The following SH3BP2 variants were observed in gnomAD, a reference collection of about 807,000 sequenced individuals.
The protein encoded by SH3BP2 is SH3 domain binding protein 2.
A neutral mutation model predicts 56.2 loss-of-function variants in SH3BP2; 38 were observed. That is an observed-to-expected ratio of 0.68 (90% CI 0.52 to 0.89). SH3BP2 has a LOEUF of 0.89. Among genes scored for constraint, SH3BP2 ranks in the 40% least tolerant of loss-of-function variants. The pLI, the probability that SH3BP2 is intolerant of heterozygous loss-of-function variation, is 0.00. For synonymous variants in SH3BP2, 346 were observed against 316.7 expected, an observed-to-expected ratio of 1.09 and a Z score of -0.98; for missense variants, 748 against 762.6, an observed-to-expected ratio of 0.98 and a Z score of 0.23.
At chr4:2,821,076 GAGTT>G (rs1210484588) in intron 2 of SH3BP2, among the ~76,000 whole-genome samples, 2 of 152,306 alleles carry the variant, frequency 1.3e-5, no homozygotes, top group East Asian at 3.9e-4. Flanking sequence ...AATGTTCAGT[GAGTT>G]AGTTGGTCAC....
intron 1 of SH3BP2, among the ~76,000 whole-genome samples, chr4:2,803,062 C>T (rs1017201356): frequency 2.0e-5 from 3 of 152,222 alleles, no homozygotes; most frequent in Non-Finnish European, 4.4e-5. Flanking sequence ...TTTGTGCGGT[C>T]CAAGGGAGGC....
rs199837317 is a variant in SH3BP2, at chr4:2,826,724, CTG to C, written c.429-497_429-496del. 3.8e-4 allele frequency: 134 copies of C among 352,244 alleles called. 1 individual carries two copies. The highest frequency in any genetic ancestry group is 2.4e-3 in the South Asian group (115 of 47,948). The allele number at this position is 352,244 out of a possible 1,614,324, so 21.8% of individuals were successfully genotyped here. A position where few individuals can be genotyped will look rare whatever the true frequency, so the allele number is the denominator to read the frequency against. On this transcript the variant is annotated intron_variant, in intron 5 of 12. Coordinates refer to ENST00000503393, the MANE Select transcript of SH3BP2 (RefSeq NM_001122681.2). Reference sequence around the variant, plus strand: ...TGTGTGTGCATGTCCGCATGTTGCTCTGTGTGTGTGCATGTCCGCGTGTTGCT... The same window carrying C: ...TGTGTGTGCATGTCCGCATGTTGCTCTGTGTGTGCATGTCCGCGTGTTGCT...
chr4:2,823,626 T>C (rs2108729358), intron 3 of SH3BP2: 1 of 422,670 alleles, frequency 2.4e-6, no homozygotes, highest in Middle Eastern at 4.4e-4. Flanking sequence ...GCACAGCCCA[T>C]GGCCTGGGGC....
chr4:2,804,975 A>G (rs1723471462), intron 1 of SH3BP2, among the ~76,000 whole-genome samples: 1 of 152,226 alleles, frequency 6.6e-6, no homozygotes, highest in African/African-American at 2.4e-5. Flanking sequence ...CTCAGAACAC[A>G]GTGGACATTT....
intron 12 of SH3BP2, 98 bp from the exon 13 acceptor site, chr4:2,833,599 G>T: frequency 6.7e-7 from 1 of 1,501,524 alleles, no homozygotes; most frequent in Non-Finnish European, 9.1e-7. Context: ...TGATGCCGCT[G>T]TTGATGCTGC....
chr4:2,801,039 G>A (rs999561128), intron 1 of SH3BP2, among the ~76,000 whole-genome samples: 2 of 123,626 alleles, frequency 1.6e-5, no homozygotes, highest in African/African-American at 5.3e-5. Flanking sequence ...TGGGAAGGGG[G>A]CTGGACAGTT....
intron 5 of SH3BP2, among the ~76,000 whole-genome samples, chr4:2,825,439 C>T (rs559861289): frequency 5.3e-5 from 8 of 151,958 alleles, no homozygotes; most frequent in East Asian, 1.9e-4. Flanking sequence ...ACAAGCAACA[C>T]GCGGACATGC....
chr4:2,805,103 G>A (rs758131098), intron 1 of SH3BP2, among the ~76,000 whole-genome samples: 20 of 152,178 alleles, frequency 1.3e-4, no homozygotes, highest in South Asian at 2.1e-4. Context: ...TGGCCCAGGC[G>A]TCCCACGCAT....
At chr4:2,812,487 G>A (rs1723792376) in intron 1 of SH3BP2, 1 of 1,548,466 alleles carries the variant, frequency 6.5e-7, no homozygotes, top group South Asian at 1.2e-5. Flanking sequence ...GGTCAGTGGG[G>A]CGGCCCCAGG....
At position 2,829,974 on chromosome 4, in the gene SH3BP2, G is replaced by A. The variant is rs1724891456; in HGVS notation, c.1068G>A (p.Lys356=). The change falls in exon 8 of 13, where the codon AAG becomes AAA. Residue 356 remains lysine, a synonymous_variant. Transcript: ENST00000503393. This position sits in a 1 kb window ranked among gnomAD's most constrained non-coding sequence, Gnocchi z 4.9. ...TSEPPPVPAN[K]PKFLKIAEED... ...AGCCCCCACCTGTGCCAGCCAACAA[G>A]CCCAAGTTCCTGAAGATAGCTGAAG... The A allele has an allele frequency of 6.2e-7, 1 of 1,613,360 alleles. No individual in the cohort carries two copies. The highest frequency in any genetic ancestry group is 8.5e-7 in the Non-Finnish European group (1 of 1,179,990).
chr4:2,802,452 A>ATG (rs1283563135), intron 1 of SH3BP2, among the ~76,000 whole-genome samples: 1 of 118,412 alleles, frequency 8.4e-6, no homozygotes, highest in Non-Finnish European at 1.9e-5. Flanking sequence ...GTATGTATAT[A>ATG]TGTGTGTGTA....
At chr4:2,803,120 G>T (rs752557118) in intron 1 of SH3BP2, among the ~76,000 whole-genome samples, 2 of 152,220 alleles carry the variant, frequency 1.3e-5, no homozygotes, top group Non-Finnish European at 2.9e-5. Context: ...TGAGTGAAAG[G>T]GACAGGCGGC....
At chr4:2,795,260 G>T (rs1723023196) in intron 1 of SH3BP2, among the ~76,000 whole-genome samples, 1 of 152,192 alleles carries the variant, frequency 6.6e-6, no homozygotes, top group African/African-American at 2.4e-5. Context: ...CCAGGTTCCT[G>T]CCCACATTGG....
At chr4:2,827,565 T>C (rs745705654) in intron 6 of SH3BP2, 41 bp from the exon 7 acceptor site, 23 of 1,556,824 alleles carry the variant, frequency 1.5e-5, no homozygotes, top group Non-Finnish European at 1.9e-5. Flanking sequence ...AGACTGGGCC[T>C]GGGCCGGTTT....
intron 1 of SH3BP2, among the ~76,000 whole-genome samples, chr4:2,794,872 G>A (rs1000908853): frequency 2.6e-5 from 4 of 152,204 alleles, no homozygotes; most frequent in African/African-American, 7.2e-5. Flanking sequence ...GCCCACAGAC[G>A]GGAAGTCCAG....
rs553536573 is a variant in SH3BP2 at position 2,823,011 on chromosome 4, C to T, written c.213C>T (p.Gly71=). 193 of 1,613,924 alleles carry T rather than the reference C, an allele frequency of 1.2e-4. 1 individual carries two copies. In the South Asian group the frequency reaches 1.9e-3, roughly 16 times the overall value. ...GTAGCACCTCTGCCTCCCCGCAGGG[C>T]GCCTTCTCCCTGAGTGGCTATAACC... ...FKSSTSASPQ[G]AFSLSGYNRV... The change falls in exon 3 of 13, where the codon GGC becomes GGT. Residue 71 remains glycine (G), a synonymous_variant. Coordinates refer to ENST00000503393, the MANE Select transcript of SH3BP2 (RefSeq NM_001122681.2).
chr4:2,822,463 G>A (rs1159199159), intron 2 of SH3BP2, among the ~76,000 whole-genome samples: 1 of 152,154 alleles, frequency 6.6e-6, no homozygotes, highest in Non-Finnish European at 1.5e-5. Context: ...TCTGACTCCC[G>A]GGTTCAAGCA....
Position 2,832,410 on chromosome 4 carries a change from A to G in SH3BP2, c.1486A>G (p.Lys496Glu). The change falls in exon 11 of 13, where the codon AAG becomes GAG. Residue 496 changes from lysine to glutamate, a missense_variant and splice_region_variant. By Grantham distance (56) the Lys-to-Glu change is moderately conservative (BLOSUM62 1). Transcript: ENST00000503393. Reference protein sequence around the residue: ...CIRNSSTKSGKVLVVWDETSN... With the variant: ...CIRNSSTKSGEVLVVWDETSN... The stretch of plus-strand genomic sequence containing the variant: ...CCGGAACTCCTCTACCAAGTCGGGG[A>G]AGGTAGGCGCCAGGGGAAGATGCCC... 1 of 1,613,718 alleles carries G rather than the reference A, an allele frequency of 6.2e-7. No homozygotes were observed. The highest frequency in any genetic ancestry group is 8.5e-7 in the Non-Finnish European group (1 of 1,179,708).
intron 1 of SH3BP2, chr4:2,818,212 G>A (rs2108721876): frequency 1.0e-6 from 1 of 987,730 alleles, no homozygotes; most frequent in East Asian, 1.1e-4. Flanking sequence ...TGCCAGGCCA[G>A]GGCCGGCGGG....
Sources: allele counts gnomAD v4.1 joint callset (sites outside exome capture counted in the v4.1 genomes callset), GRCh38; gene constraint gnomAD v4.1.1; non-coding constraint Gnocchi (gnomAD v3.1); transcripts MANE v1.5; gene names NCBI Gene and HGNC (gene_info 2026-07-23, HGNC 2026-07-21).